Variants in WWC2 observed in about 807,000 individuals in gnomAD.
The protein encoded by WWC2 is protein WWC2.
Under a neutral mutation model 138.5 loss-of-function variants are expected in WWC2, and 101 were observed. The observed-to-expected ratio is 0.73, with a 90% CI of 0.62 to 0.86. The LOEUF (loss-of-function observed/expected upper bound fraction) is 0.86, where lower values mean the gene tolerates loss of function less well. WWC2 is among the 40% of genes least tolerant of loss of function. The pLI is 0.00. For missense variants in WWC2, 1,420 were observed against 1,419.4 expected, an observed-to-expected ratio of 1.00 and a Z score of -0.01; for synonymous variants, 558 against 538.4, an observed-to-expected ratio of 1.04 and a Z score of -0.50.
At chr4:183,252,473 G>A (rs1737009833) in intron 8 of WWC2, among the ~76,000 whole-genome samples, 1 of 152,220 alleles carries the variant, frequency 6.6e-6, no homozygotes, top group Admixed American at 6.5e-5. Flanking sequence ...CGGGGGTAAT[G>A]TTAACTCTAC....
intron 21 of WWC2, among the ~76,000 whole-genome samples, chr4:183,291,015 T>A (rs1580155154): frequency 1.3e-5 from 2 of 152,336 alleles, no homozygotes; most frequent in East Asian, 1.9e-4. Context: ...ATCTATCTTA[T>A]CCCACCTGAT....
At position 183,179,447 on chromosome 4, in the gene WWC2, A is replaced by G. The variant is rs116560220; in HGVS notation, c.132-14152A>G. Among the ~76,000 whole-genome samples the G allele has an allele frequency of 1.3e-3, 201 of 152,318 alleles. 1 individual carries two copies. The highest frequency in any genetic ancestry group is 4.8e-3 in the African/African-American group (198 of 41,570). On this transcript the variant is annotated intron_variant, in intron 1 of 22. Coordinates refer to ENST00000403733, the MANE Select transcript of WWC2 (RefSeq NM_024949.6). ...GAGGGATGAGAGTGGAAATGTAACAACTAGTTAGGAAGTTAATCGGGGCAA... is the reference window on the plus strand; with the variant it reads ...GAGGGATGAGAGTGGAAATGTAACAGCTAGTTAGGAAGTTAATCGGGGCAA...
intron 16 of WWC2, among the ~76,000 whole-genome samples, chr4:183,279,131 T>A (rs1036421854): frequency 7.9e-5 from 12 of 152,120 alleles, no homozygotes; most frequent in South Asian, 4.1e-4. Context: ...TAGATAGCTC[T>A]TATTTTGAAA....
intron 16 of WWC2, among the ~76,000 whole-genome samples, chr4:183,274,717 C>T (rs184001565): frequency 3.9e-4 from 59 of 152,198 alleles, no homozygotes; most frequent in Non-Finnish European, 5.0e-4. Flanking sequence ...GAGATTTATC[C>T]TAGGAATGCA....
At chr4:183,281,038 C>A in intron 17 of WWC2, 141 bp downstream of exon 17, 1 of 1,250,418 alleles carries the variant, frequency 8.0e-7, no homozygotes, top group Non-Finnish European at 1.1e-6. Context: ...TAGGAAAAGT[C>A]TTTCCTTGGT....
intron 2 of WWC2, among the ~76,000 whole-genome samples, chr4:183,203,308 T>C (rs138690875): frequency 8.1e-4 from 123 of 152,066 alleles, no homozygotes; most frequent in African/African-American, 2.8e-3. Flanking sequence ...TCCTGTTTAG[T>C]TTTTCACAAT....
chr4:183,264,978 A>G lies in WWC2; in HGVS notation c.1910A>G (p.Asp637Gly). The change falls in exon 12 of 23, where the codon GAT (aspartate) becomes GGT (glycine). Residue 637 changes from aspartate to glycine, a missense_variant and splice_region_variant. Asp to Gly is a moderately conservative substitution (Grantham distance 94). Transcript: ENST00000403733. ...AGTGCTCTCACCCTCCCCTCCATAG[A>G]TGTGGAAAAATCATTACCAAAAAGA... ...AREPLYEGTA[D>G]VEKSLPKRRV... 2 of 1,612,162 alleles carry G rather than the reference A, an allele frequency of 1.2e-6. No homozygotes were observed. The highest frequency in any genetic ancestry group is 1.7e-6 in the Non-Finnish European group (2 of 1,178,984).
intron 1 of WWC2, among the ~76,000 whole-genome samples, chr4:183,176,572 G>A (rs1580014047): frequency 6.6e-6 from 1 of 151,884 alleles, no homozygotes; most frequent in African/African-American, 2.4e-5. Context: ...ACAGGCACCT[G>A]CCACCACGCC....
intron 20 of WWC2, among the ~76,000 whole-genome samples, chr4:183,287,387 T>C (rs975321660): frequency 3.3e-5 from 5 of 152,184 alleles, no homozygotes; most frequent in South Asian, 2.1e-4. Flanking sequence ...AACTCCTTTC[T>C]AAGTCACCTG....
At chr4:183,101,823 T>G (rs950398221) in intron 1 of WWC2, among the ~76,000 whole-genome samples, 12 of 152,226 alleles carry the variant, frequency 7.9e-5, no homozygotes, top group Non-Finnish European at 1.8e-4. Context: ...CTTGATATAC[T>G]ATGGGTCTGC....
chr4:183,192,849 A>T (rs1735026871), intron 1 of WWC2, among the ~76,000 whole-genome samples: 1 of 152,132 alleles, frequency 6.6e-6, no homozygotes, highest in South Asian at 2.1e-4. Flanking sequence ...AATGCAAGAG[A>T]GTGAGAAAAA....
chr4:183,312,511 G>T, intron 22 of WWC2, 43 bp downstream of exon 22: 2 of 1,609,618 alleles, frequency 1.2e-6, no homozygotes, highest in South Asian at 1.1e-5. Context: ...TGCCCTCACG[G>T]GGTCTGATTG....
At chr4:183,278,840 C>T (rs543861851) in intron 16 of WWC2, among the ~76,000 whole-genome samples, 27 of 151,596 alleles carry the variant, frequency 1.8e-4, no homozygotes, top group African/African-American at 6.6e-4. Context: ...TATGCTGAGA[C>T]TTTGCTGAAG....
chr4:183,312,597 T>G (rs1739294142), intron 22 of WWC2, 129 bp downstream of exon 22: 3 of 1,355,666 alleles, frequency 2.2e-6, no homozygotes, highest in Admixed American at 2.5e-5. Context: ...CTACCTTGAA[T>G]ATATAATTTT....
intron 1 of WWC2, among the ~76,000 whole-genome samples, chr4:183,161,431 G>C (rs959746978): frequency 2.6e-5 from 4 of 152,138 alleles, no homozygotes; most frequent in East Asian, 1.9e-4. Flanking sequence ...GCATGCATTA[G>C]AAAACAAGCA....
At position 183,289,391 on chromosome 4, in the gene WWC2, A is replaced by C; in HGVS notation, c.3142-2A>C. On this transcript the variant is annotated splice_acceptor_variant, in intron 20 of 22. Coordinates refer to ENST00000403733, the MANE Select transcript of WWC2 (RefSeq NM_024949.6). LOFTEE classifies it high-confidence loss of function. The stretch of plus-strand genomic sequence containing the variant: ...TTCGTCATTCCGTTTCTAACTATCC[A>C]GACGGTTTGCCAGTCAGTCCTTAGA... 6.2e-7 allele frequency: 1 copy of C among 1,610,764 alleles called. No individual in the cohort carries two copies. The highest frequency in any genetic ancestry group is 8.5e-7 in the Non-Finnish European group (1 of 1,178,348).
At chr4:183,165,923 A>C (rs1432422979) in intron 1 of WWC2, among the ~76,000 whole-genome samples, 1 of 152,202 alleles carries the variant, frequency 6.6e-6, no homozygotes, top group African/African-American at 2.4e-5. Flanking sequence ...CAGATGACAA[A>C]GTGTCTCATT....
At chr4:183,285,790 G>A (rs1344497612) in intron 19 of WWC2, among the ~76,000 whole-genome samples, 177 bp from the exon 20 acceptor site, 1 of 152,082 alleles carries the variant, frequency 6.6e-6, no homozygotes, top group Non-Finnish European at 1.5e-5. Flanking sequence ...AGTAATTTAG[G>A]AAAATGAAGT....
intron 21 of WWC2, among the ~76,000 whole-genome samples, chr4:183,299,860 G>A (rs1342450143): frequency 1.3e-5 from 2 of 152,080 alleles, no homozygotes; most frequent in Non-Finnish European, 2.9e-5. Context: ...TAAAAAATAT[G>A]GCTCCCAGAA....
Sources: gnomAD v4.1 joint callset for allele counts (sites outside exome capture counted in the v4.1 genomes callset) on GRCh38, gnomAD v4.1.1 for gene constraint, MANE v1.5 for transcripts, NCBI Gene and HGNC (gene_info 2026-07-23, HGNC 2026-07-21) for gene names.